Variants in RSF1 observed in about 807,000 individuals in gnomAD.
RSF1 encodes the protein remodeling and spacing factor 1.
Under a neutral mutation model 145.2 loss-of-function variants are expected in RSF1, and 13 were observed. The observed-to-expected ratio is 0.09, with a 90% CI of 0.06 to 0.14. The LOEUF (loss-of-function observed/expected upper bound fraction) is 0.14. RSF1 is among the 10% of genes least tolerant of loss of function. The probability of loss-of-function intolerance (pLI) is 1.00; values close to 1 mark genes in which losing one functional copy is unlikely to be tolerated. For synonymous variants in RSF1, 577 were observed against 592.6 expected, an observed-to-expected ratio of 0.97 and a Z score of 0.38; for missense variants, 1,517 against 1,718.2, an observed-to-expected ratio of 0.88 and a Z score of 2.07.
At chr11:77,857,699 GT>G in the RSF1 span, among the ~76,000 whole-genome samples, 439 of 137,624 alleles carry the variant, frequency 3.2e-3, 3 homozygotes, top group South Asian at 0.017. Flanking sequence ...CAACTAAGTT[GT>G]TTTTTTTTTT....
At chr11:77,816,096 C>G (rs759541234) in intron 1 of RSF1, among the ~76,000 whole-genome samples, 1 of 152,164 alleles carries the variant, frequency 6.6e-6, no homozygotes, top group Non-Finnish European at 1.5e-5. Context: ...TCTCTCTTTT[C>G]ATCTAATAAG....
chr11:77,695,043 TTGGTTAA>T (rs1960248221), intron 7 of RSF1, among the ~76,000 whole-genome samples: 1 of 152,184 alleles, frequency 6.6e-6, no homozygotes, highest in African/African-American at 2.4e-5. Context: ...CTTTGGTCAC[TTGGTTAA>T]AGTACATCTG....
chr11:77,726,888 A>G (rs1961066497), intron 4 of RSF1, among the ~76,000 whole-genome samples: 1 of 152,184 alleles, frequency 6.6e-6, no homozygotes, highest in Non-Finnish European at 1.5e-5. Context: ...CAAGTTGTAT[A>G]TCCTCATTAG....
At chr11:77,736,177 T>C (rs186246649) in intron 4 of RSF1, among the ~76,000 whole-genome samples, 7 of 152,324 alleles carry the variant, frequency 4.6e-5, no homozygotes, top group Non-Finnish European at 4.4e-5. Flanking sequence ...CCCTGCAATG[T>C]AAAAGGAAAA....
chr11:77,769,213 A>G (rs554656537), intron 1 of RSF1, among the ~76,000 whole-genome samples: 1 of 152,178 alleles, frequency 6.6e-6, no homozygotes, highest in South Asian at 2.1e-4. Flanking sequence ...ACGTGCCACC[A>G]CACCTCGGCC....
At chr11:77,764,017 T>A (rs1232988103) in intron 2 of RSF1, 1 of 152,188 alleles carries the variant, frequency 6.6e-6, no homozygotes, top group African/African-American at 2.4e-5. Context: ...TGACGGATCA[T>A]CAGTCAGTAG....
At chr11:77,817,955 C>A (rs1283060329) in intron 1 of RSF1, among the ~76,000 whole-genome samples, 4 of 152,198 alleles carry the variant, frequency 2.6e-5, no homozygotes, top group Admixed American at 2.6e-4. Context: ...CATCAAAGTT[C>A]TGAAAATCGT....
At chr11:77,747,920 G>T (rs1948018849) in intron 2 of RSF1, among the ~76,000 whole-genome samples, 1 of 152,174 alleles carries the variant, frequency 6.6e-6, no homozygotes, top group Non-Finnish European at 1.5e-5. Flanking sequence ...GGCAAAAAAT[G>T]ATACAAAATG....
chr11:77,679,586 T>C lies in RSF1; in HGVS notation c.3066-1433A>G, dbSNP rs190940349. Among the ~76,000 whole-genome samples the C allele has an allele frequency of 2.0e-3, 310 of 151,644 alleles. 1 individual carries two copies. Among genetic ancestry groups the C allele is most frequent in the African/African-American group, 7.0e-3 (291 of 41,286 alleles). On this transcript the variant is annotated intron_variant, in intron 11 of 15. Transcript: ENST00000308488. ...TACTTGGGGGGCCGAGACAAGAGGATTGCTTGAGCCCAAGAGGCAGAGGAT... is the reference window on the plus strand; with the variant it reads ...TACTTGGGGGGCCGAGACAAGAGGACTGCTTGAGCCCAAGAGGCAGAGGAT...
chr11:77,868,419 C>T, the RSF1 span, among the ~76,000 whole-genome samples: 2 of 136,616 alleles, frequency 1.5e-5, no homozygotes, highest in Non-Finnish European at 3.0e-5. Flanking sequence ...AGTGCAATGG[C>T]GTGATCTCAG....
intron 1 of RSF1, among the ~76,000 whole-genome samples, chr11:77,812,382 T>C (rs1219031471): frequency 6.6e-6 from 1 of 152,142 alleles, no homozygotes; most frequent in Non-Finnish European, 1.5e-5. Context: ...AAGATAAACA[T>C]GTACAAATAC....
At chr11:77,698,908 C>T (rs139874190) in intron 6 of RSF1, among the ~76,000 whole-genome samples, 31 of 152,060 alleles carry the variant, frequency 2.0e-4, no homozygotes, top group African/African-American at 7.5e-4. Context: ...TTCTTAAAAC[C>T]GAATTATAAT....
At chr11:77,705,270 G>T (rs1960522038) in intron 5 of RSF1, among the ~76,000 whole-genome samples, 1 of 152,074 alleles carries the variant, frequency 6.6e-6, no homozygotes, top group Admixed American at 6.6e-5. Flanking sequence ...AGTTTAAAAG[G>T]CATAAAATTT....
intron 3 of RSF1, among the ~76,000 whole-genome samples, chr11:77,745,930 A>T (rs1482807628): frequency 6.6e-6 from 1 of 151,978 alleles, no homozygotes; most frequent in African/African-American, 2.4e-5. Context: ...CTGAAAAGTT[A>T]TATGTATTAT....
the RSF1 span, among the ~76,000 whole-genome samples, chr11:77,832,943 A>G: frequency 3.4e-5 from 3 of 88,552 alleles, no homozygotes; most frequent in East Asian, 2.7e-4. Flanking sequence ...ACTTTATTGT[A>G]TATATATATG....
chr11:77,759,023 G>A (rs971684442), intron 2 of RSF1, among the ~76,000 whole-genome samples: 1 of 152,104 alleles, frequency 6.6e-6, no homozygotes, highest in Admixed American at 6.5e-5. Context: ...TCCATTGCCA[G>A]ATCCAAGGTC....
intron 11 of RSF1, among the ~76,000 whole-genome samples, chr11:77,680,502 C>T (rs1248081924): frequency 6.6e-6 from 1 of 151,652 alleles, no homozygotes; most frequent in Non-Finnish European, 1.5e-5. Context: ...ATAGTCCCAA[C>T]TATTTGGGAG....
intron 5 of RSF1, among the ~76,000 whole-genome samples, chr11:77,712,057 T>A (rs1156682834): frequency 6.6e-6 from 1 of 152,236 alleles, no homozygotes; most frequent in Admixed American, 6.5e-5. Context: ...CCACAAAAGT[T>A]ACGTTGTGCT....
At chr11:77,767,435 T>C (rs1244669993) in intron 1 of RSF1, among the ~76,000 whole-genome samples, 1 of 152,158 alleles carries the variant, frequency 6.6e-6, no homozygotes, top group East Asian at 1.9e-4. Context: ...GGCTCCTAAA[T>C]ACCTACATAA....
Sources: allele counts gnomAD v4.1 joint callset (sites outside exome capture counted in the v4.1 genomes callset), GRCh38; gene constraint gnomAD v4.1.1; transcripts MANE v1.5; gene names NCBI Gene and HGNC (gene_info 2026-07-23, HGNC 2026-07-21).